TARDBP: variants seen among roughly 807,000 people sequenced by gnomAD.
TARDBP encodes TAR DNA-binding protein 43.
Under a neutral mutation model 38.3 loss-of-function variants are expected in TARDBP, and 4 were observed. That is an observed-to-expected ratio of 0.10 (90% CI 0.05 to 0.24). The LOEUF (loss-of-function observed/expected upper bound fraction) is 0.24. Among genes scored for constraint, TARDBP ranks in the 10% least tolerant of loss-of-function variants. The pLI is 1.00. For missense variants in TARDBP, 202 were observed against 521.9 expected (o/e 0.39, Z 5.97); for synonymous variants, 184 against 183.8 (o/e 1.00, Z -0.01).
At chr1:11,026,103 T>C (rs981329349), downstream of TARDBP, 2 of 154,786 alleles carry the variant, frequency 1.3e-5, no homozygotes, top group African/African-American at 4.8e-5. Flanking sequence ...TGAACATTAT[T>C]CAGGTTATTT....
In TARDBP at chr1:11,022,501, C is replaced by T; in HGVS notation, c.1092C>T (p.Asn364=). 6.2e-7 allele frequency: 1 copy of T among 1,600,444 alleles called. No individual in the cohort carries two copies. The highest frequency in any genetic ancestry group is 8.5e-7 in the Non-Finnish European group (1 of 1,170,592). The change falls in exon 6 of 6, where the codon AAC becomes AAT. Residue 364 remains asparagine, a synonymous_variant. Coordinates refer to ENST00000240185, the MANE Select transcript of TARDBP (RefSeq NM_007375.4). The surrounding 1 kb of genome is among the most constrained non-coding windows in gnomAD (Gnocchi z 4.5). ...QNQGNMQREP[N]QAFGSGNNSY... is the part of the protein sequence containing the mutation. Reference sequence around the variant, plus strand: ...AAGGCAACATGCAGAGGGAGCCAAACCAGGCCTTCGGTTCTGGAAATAACT... The same window carrying T: ...AAGGCAACATGCAGAGGGAGCCAAATCAGGCCTTCGGTTCTGGAAATAACT...
At chr1:11,026,254 C>T (rs146160432), downstream of TARDBP, 2 of 152,418 alleles carry the variant, frequency 1.3e-5, no homozygotes, top group African/African-American at 4.8e-5. Flanking sequence ...CATGCCTGGT[C>T]TTGCTTAAAA....
chr1:11,018,277 C>T, intron 3 of TARDBP: 1 of 209,110 alleles, frequency 4.8e-6, no homozygotes, highest in South Asian at 7.2e-5. Context: ...CAACCTCCAC[C>T]TCCTGGGTTC....
In TARDBP at chr1:11,023,207, A is replaced by G. The variant is rs1643674979; in HGVS notation, c.*553A>G. The G allele has an allele frequency of 1.9e-6, 3 of 1,550,332 alleles. No homozygotes were observed. The highest frequency in any genetic ancestry group is 1.4e-5 in the African/African-American group (1 of 73,024). On this transcript the variant is annotated 3_prime_UTR_variant, in exon 6 of 6. Coordinates refer to ENST00000240185, the MANE Select transcript of TARDBP (RefSeq NM_007375.4). ...AATCTCTGCAGTTCATCTCATTTCAAATGTTTATGGAAGAAGCACTTCATT... is the reference window on the plus strand; with the variant it reads ...AATCTCTGCAGTTCATCTCATTTCAGATGTTTATGGAAGAAGCACTTCATT...
At chr1:11,027,421 A>T (rs1643756342), downstream of TARDBP, 1 of 1,614,230 alleles carries the variant, frequency 6.2e-7, no homozygotes, top group Non-Finnish European at 8.5e-7. Flanking sequence ...GCTTGTGTAT[A>T]ATGAGGTGAT....
At chr1:11,013,057 C>T (rs1643442467) in intron 1 of TARDBP, among the ~76,000 whole-genome samples, 1 of 152,306 alleles carries the variant, frequency 6.6e-6, no homozygotes, top group Admixed American at 6.5e-5. Context: ...GCCTGGTGCT[C>T]CTGCGCCCCA....
chr1:11,016,736 T>C (rs1227735408), intron 2 of TARDBP, 108 bp from the exon 3 acceptor site: 2 of 1,189,106 alleles, frequency 1.7e-6, no homozygotes, highest in South Asian at 1.3e-5. Flanking sequence ...CAGTGTCTTA[T>C]TCTTCTTAGA....
downstream of TARDBP, among the ~76,000 whole-genome samples, chr1:11,029,109 C>T (rs1643795640): frequency 6.6e-6 from 1 of 151,354 alleles, no homozygotes; most frequent in Non-Finnish European, 1.5e-5. Flanking sequence ...TCTCTTGCCT[C>T]AGCCTCCCGA....
At position 11,023,219 on chromosome 1, in the gene TARDBP, A is replaced by G; in HGVS notation, c.*565A>G. ...TCATCTCATTTCAAATGTTTATGGAAGAAGCACTTCATTGAAAGTAGTGCT... is the reference window on the plus strand; with the variant it reads ...TCATCTCATTTCAAATGTTTATGGAGGAAGCACTTCATTGAAAGTAGTGCT... On this transcript the variant is annotated 3_prime_UTR_variant, in exon 6 of 6. Coordinates refer to ENST00000240185, the MANE Select transcript of TARDBP (RefSeq NM_007375.4). 6.4e-7 allele frequency: 1 copy of G among 1,550,518 alleles called. No individual in the cohort carries two copies. Among genetic ancestry groups the G allele is most frequent in the East Asian group, 2.4e-5 (1 of 40,930 alleles).
chr1:11,015,054 C>G (rs1643491804), intron 2 of TARDBP, among the ~76,000 whole-genome samples: 1 of 151,120 alleles, frequency 6.6e-6, no homozygotes, highest in South Asian at 2.1e-4. Flanking sequence ...TTACTTTAAG[C>G]TGAGGTCGCG....
chr1:11,015,483 CAAAA>C (rs1043594994), intron 2 of TARDBP: 9 of 150,814 alleles, frequency 6.0e-5, no homozygotes, highest in Non-Finnish European at 8.9e-5. Context: ...GACACCGTCT[CAAAA>C]AAAATTTTTT....
chr1:11,013,159 G>A (rs970517016), intron 1 of TARDBP, among the ~76,000 whole-genome samples: 6 of 152,362 alleles, frequency 3.9e-5, no homozygotes, highest in African/African-American at 1.4e-4. Context: ...GTCGCCGCGG[G>A]CCTTGGGGCT....
chr1:11,025,546 T>C (rs1055720054), downstream of TARDBP: 4 of 152,136 alleles, frequency 2.6e-5, no homozygotes, highest in South Asian at 2.1e-4. Context: ...ATATGTGATA[T>C]ACAGATGCTG....
rs142913423 is a variant in TARDBP, at chr1:11,013,954, A to G, written c.227A>G (p.Asn76Ser). 11 of 1,614,212 alleles carry G rather than the reference A, an allele frequency of 6.8e-6. No individual in the cohort carries two copies. Among genetic ancestry groups the G allele is most frequent in the Non-Finnish European group, 9.3e-6 (11 of 1,180,032 alleles). The change falls in exon 2 of 6, where the codon AAC becomes AGC. Residue 76 changes from asparagine to serine, a missense_variant. Physicochemically the swap from Asn to Ser is conservative, Grantham distance 46. Around this residue, in one of 5 missense-constraint regions of TARDBP, gnomAD observed 71 missense variants for 185.4 expected, o/e 0.38. Transcript: ENST00000240185. ...AGWGNLVYVV[N>S]YPKDNKRKMD... ...TGGGGAAATCTGGTGTATGTTGTCA[A>G]CTATCCAAAAGGTTTGTTACCATTT...
downstream of TARDBP, among the ~76,000 whole-genome samples, chr1:11,028,699 TTTTTTTC>T (rs1643784263): frequency 1.0e-4 from 3 of 29,326 alleles, no homozygotes; most frequent in South Asian, 9.8e-4. Flanking sequence ...CTTTCTGGGT[TTTTTTTC>T]TTTTTTTTTT....
chr1:11,017,263 G>C (rs1442015667), intron 3 of TARDBP, among the ~76,000 whole-genome samples: 1 of 150,112 alleles, frequency 6.7e-6, no homozygotes, highest in Non-Finnish European at 1.5e-5. Context: ...GAGTGCAGTG[G>C]CACGATCTTG....
downstream of TARDBP, chr1:11,026,824 G>A (rs953568617): frequency 1.1e-5 from 15 of 1,384,706 alleles, no homozygotes; most frequent in Admixed American, 2.7e-5. Flanking sequence ...GAGCCACGTC[G>A]CTGCCAAGGT....
downstream of TARDBP, chr1:11,027,765 A>ATT: frequency 9.1e-7 from 1 of 1,096,266 alleles, no homozygotes; most frequent in Non-Finnish European, 1.3e-6. Context: ...TATTACATGA[A>ATT]TTGGTGGGTG....
intron 1 of TARDBP, among the ~76,000 whole-genome samples, chr1:11,013,381 G>A (rs1484173002): frequency 6.6e-6 from 1 of 152,180 alleles, no homozygotes; most frequent in African/African-American, 2.4e-5. Context: ...TAACCCGATT[G>A]TCATAAAATA....
Sources: gnomAD v4.1 joint callset for allele counts (sites outside exome capture counted in the v4.1 genomes callset) on GRCh38, gnomAD v4.1.1 for gene constraint, gnomAD v4.1.1 regional missense constraint, Gnocchi (gnomAD v3.1) non-coding constraint, MANE v1.5 for transcripts, NCBI Gene and HGNC (gene_info 2026-07-23, HGNC 2026-07-21) for gene names.